The following DPP10 variants were observed in gnomAD, a reference collection of about 807,000 sequenced individuals.
DPP10 encodes the protein dipeptidyl peptidase like 10, also known as inactive dipeptidyl peptidase 10.
In DPP10, 33 loss-of-function variants were observed where a neutral mutation model predicts 120.9. That is an observed-to-expected ratio of 0.27 (90% confidence interval 0.21 to 0.37). The LOEUF (loss-of-function observed/expected upper bound fraction) is 0.37. Ranked by LOEUF, DPP10 falls within the 10% of genes least tolerant of loss-of-function variation. The pLI is 1.00. For missense variants in DPP10, 816 were observed against 942.8 expected (o/e 0.87, Z 1.76); for synonymous variants, 337 against 326.1 (o/e 1.03, Z -0.36).
intron 5 of DPP10, among the ~76,000 whole-genome samples, chr2:115,566,905 CTG>C (rs1166332031): frequency 6.6e-6 from 1 of 152,100 alleles, no homozygotes; most frequent in Non-Finnish European, 1.5e-5. Context: ...ATCATCCTTT[CTG>C]TGTTTTTATA....
At chr2:115,025,777 A>T (rs578182909) in intron 1 of DPP10, among the ~76,000 whole-genome samples, 1 of 152,066 alleles carries the variant, frequency 6.6e-6, no homozygotes, top group Admixed American at 6.6e-5. Context: ...TTTTTTATAT[A>T]TACCTCTTGG....
At chr2:115,194,226 T>G (rs1016976269) in intron 1 of DPP10, among the ~76,000 whole-genome samples, 4 of 152,062 alleles carry the variant, frequency 2.6e-5, no homozygotes, top group African/African-American at 9.7e-5. Flanking sequence ...TTAAGGAGTT[T>G]GTTGTTTTTT....
At chr2:115,523,622 C>G (rs900580441) in intron 4 of DPP10, among the ~76,000 whole-genome samples, 1 of 152,034 alleles carries the variant, frequency 6.6e-6, no homozygotes, top group East Asian at 1.9e-4. Context: ...TCCCCTTGAA[C>G]ATTTCCTTAA....
At chr2:115,008,166 G>T (rs1347151890) in intron 1 of DPP10, among the ~76,000 whole-genome samples, 3 of 131,390 alleles carry the variant, frequency 2.3e-5, no homozygotes, top group African/African-American at 8.6e-5. Context: ...CACACTACCT[G>T]ACTTCAAACT....
At chr2:114,595,857 T>A (rs1348994761) in intron 1 of DPP10, among the ~76,000 whole-genome samples, 4 of 152,142 alleles carry the variant, frequency 2.6e-5, no homozygotes, top group Admixed American at 2.6e-4. Flanking sequence ...CTGAATGTCC[T>A]CAACACAATC....
At chr2:115,275,281 GTCTCTC>G (rs771353902) in intron 1 of DPP10, among the ~76,000 whole-genome samples, 1 of 152,130 alleles carries the variant, frequency 6.6e-6, no homozygotes, top group Non-Finnish European at 1.5e-5. Flanking sequence ...TTAAATAATA[GTCTCTC>G]TCTATCTCTT....
At chr2:115,743,072 C>G (rs1160976923) in intron 9 of DPP10, among the ~76,000 whole-genome samples, 2 of 151,416 alleles carry the variant, frequency 1.3e-5, no homozygotes, top group Non-Finnish European at 2.9e-5. Context: ...GTTATTGAGG[C>G]TTGTGTTTCA....
chr2:114,889,733 T>C (rs1200952366), intron 1 of DPP10, among the ~76,000 whole-genome samples: 1 of 152,164 alleles, frequency 6.6e-6, no homozygotes, highest in East Asian at 1.9e-4. Context: ...ATATTAAAAA[T>C]GATGGATAAA....
chr2:115,739,996 CAGAA>C, intron 9 of DPP10, 103 bp downstream of exon 9: 3 of 1,333,378 alleles, frequency 2.2e-6, no homozygotes, highest in Non-Finnish European at 2.1e-6. Context: ...TGGAGGAAAA[CAGAA>C]GTTTTCCTTA....
chr2:114,814,400 T>G (rs922751125), intron 1 of DPP10, among the ~76,000 whole-genome samples: 1 of 152,098 alleles, frequency 6.6e-6, no homozygotes, highest in African/African-American at 2.4e-5. Flanking sequence ...CTTAGGCTTT[T>G]TTTTTTCCTC....
intron 1 of DPP10, among the ~76,000 whole-genome samples, chr2:115,207,531 T>C (rs892823274): frequency 1.3e-5 from 2 of 151,862 alleles, no homozygotes; most frequent in African/African-American, 4.8e-5. Context: ...GTAAGTGTTT[T>C]GCATCCACTG....
chr2:115,521,938 C>G (rs1360956383), intron 4 of DPP10, among the ~76,000 whole-genome samples: 1 of 152,024 alleles, frequency 6.6e-6, no homozygotes, highest in East Asian at 1.9e-4. Flanking sequence ...CTCATCTTCC[C>G]AAGAATTGTT....
intron 5 of DPP10, among the ~76,000 whole-genome samples, chr2:115,536,655 T>C (rs1291864518): frequency 6.6e-6 from 1 of 152,028 alleles, no homozygotes; most frequent in African/African-American, 2.4e-5. Context: ...TTTATGATGC[T>C]ATTTTATAGG....
At chr2:114,744,915 C>T (rs1438247712) in intron 1 of DPP10, among the ~76,000 whole-genome samples, 1 of 152,172 alleles carries the variant, frequency 6.6e-6, no homozygotes, top group Non-Finnish European at 1.5e-5. Context: ...GTGCCCATTA[C>T]CACGTCTGGC....
At chr2:114,599,902 G>A (rs1692228574) in intron 1 of DPP10, among the ~76,000 whole-genome samples, 1 of 151,598 alleles carries the variant, frequency 6.6e-6, no homozygotes, top group Non-Finnish European at 1.5e-5. Context: ...ACATGTTTCA[G>A]TGTAATATTT....
chr2:114,684,286 G>A (rs1402311972), intron 1 of DPP10, among the ~76,000 whole-genome samples: 1 of 151,894 alleles, frequency 6.6e-6, no homozygotes, highest in East Asian at 1.9e-4. Flanking sequence ...GCCACTCTAT[G>A]ATAAGTGGAA....
intron 1 of DPP10, among the ~76,000 whole-genome samples, chr2:115,284,806 T>G (rs1262970498): frequency 6.6e-6 from 1 of 152,034 alleles, no homozygotes; most frequent in Non-Finnish European, 1.5e-5. Flanking sequence ...TTTTCAGTCC[T>G]TGTCAGATGA....
intron 1 of DPP10, among the ~76,000 whole-genome samples, chr2:114,460,177 CTATCT>C (rs1422914011): frequency 1.9e-4 from 4 of 21,338 alleles, no homozygotes; most frequent in South Asian, 1.3e-3. Context: ...TGATATCTAT[CTATCT>C]ATCTATCTAT....
intron 1 of DPP10, among the ~76,000 whole-genome samples, chr2:114,806,229 T>C (rs1281038121): frequency 6.6e-6 from 1 of 152,238 alleles, no homozygotes; most frequent in East Asian, 1.9e-4. Context: ...TTGAATGATG[T>C]CGACATTACA....
Sources: gnomAD v4.1 joint callset for allele counts (sites outside exome capture counted in the v4.1 genomes callset) on GRCh38, gnomAD v4.1.1 for gene constraint, MANE v1.5 for transcripts, NCBI Gene and HGNC (gene_info 2026-07-23, HGNC 2026-07-21) for gene names.